Variants in ATP8B4 observed in about 807,000 individuals in gnomAD.
ATP8B4 encodes the protein ATPase phospholipid transporting 8B4 (putative), also known as probable phospholipid-transporting ATPase IM.
In ATP8B4, 133 loss-of-function variants were observed where a neutral mutation model predicts 145.6. That is an observed-to-expected ratio of 0.91 (90% CI 0.79 to 1.05). ATP8B4 has a LOEUF of 1.05. Ranked by LOEUF, ATP8B4 falls within the 50% of genes least tolerant of loss-of-function variation. The pLI, the probability that ATP8B4 is intolerant of heterozygous loss-of-function variation, is 0.00. For missense variants in ATP8B4, 1,458 were observed against 1,425.2 expected, an observed-to-expected ratio of 1.02 and a Z score of -0.37; for synonymous variants, 507 against 492.9, an observed-to-expected ratio of 1.03 and a Z score of -0.38.
chr15:49,951,492 C>T (rs545409180), intron 14 of ATP8B4, among the ~76,000 whole-genome samples: 72 of 152,004 alleles, frequency 4.7e-4, no homozygotes, highest in South Asian at 1.7e-3. Context: ...GTTTAAAGTC[C>T]GATTTGTCAG....
chr15:49,979,591 CA>C (rs1437217944), intron 12 of ATP8B4, 25 bp downstream of exon 12: 1 of 1,394,060 alleles, frequency 7.2e-7, no homozygotes, highest in East Asian at 2.3e-5. Flanking sequence ...GAAATTATTT[CA>C]TTAAAATATA....
chr15:50,010,845 A>G lies in ATP8B4; in HGVS notation c.435T>C (p.Ala145=). The part of the protein sequence containing the change: ...IIKLENNQFV[A]ADLLLLSSSE... ...TATTCAAACAATATTGAATACTTAC[A>G]GCAACAAATTGGTTATTTTCTAATT... The change falls in exon 7 of 28, where the codon GCT becomes GCC. Residue 145 remains alanine (A), a splice_region_variant and synonymous_variant. Transcript: ENST00000284509. The G allele has an allele frequency of 3.3e-6, 5 of 1,536,934 alleles. No individual in the cohort carries two copies. Among genetic ancestry groups the G allele is most frequent in the African/African-American group, 1.4e-5 (1 of 70,900 alleles).
At chr15:50,159,009 C>T (rs909444698) in intron 1 of ATP8B4, among the ~76,000 whole-genome samples, 2 of 152,212 alleles carry the variant, frequency 1.3e-5, no homozygotes, top group Non-Finnish European at 2.9e-5. Flanking sequence ...CCAGAGACCT[C>T]TGTTCACTTG....
chr15:50,083,844 CTAA>C (rs1353522075), intron 2 of ATP8B4, among the ~76,000 whole-genome samples: 1 of 152,148 alleles, frequency 6.6e-6, no homozygotes, highest in African/African-American at 2.4e-5. Context: ...TTGAGCAAGG[CTAA>C]TAGAGCTGCT....
intron 1 of ATP8B4, among the ~76,000 whole-genome samples, chr15:50,164,846 T>G (rs559978414): frequency 6.6e-6 from 1 of 152,294 alleles, no homozygotes; most frequent in South Asian, 2.1e-4. Flanking sequence ...AGCAGCTGAA[T>G]TCTGTCAAAT....
intron 2 of ATP8B4, among the ~76,000 whole-genome samples, chr15:50,092,362 A>C (rs1435087357): frequency 6.6e-6 from 1 of 152,126 alleles, no homozygotes; most frequent in Admixed American, 6.6e-5. Flanking sequence ...ATAACAAATT[A>C]GTGGTTATGG....
chr15:50,114,110 T>TTTTTTTTTTTTTTTTTTTC (rs2057084977), intron 1 of ATP8B4, among the ~76,000 whole-genome samples: 1 of 138,480 alleles, frequency 7.2e-6, no homozygotes, highest in Non-Finnish European at 1.6e-5. Flanking sequence ...TTTCTTTTTT[T>TTTTTTTTTTTTTTTTTTTC]TTTTTTTTTT....
At chr15:49,917,206 A>G (rs1387412778) in intron 19 of ATP8B4, 167 bp from the exon 20 acceptor site, 1 of 566,600 alleles carries the variant, frequency 1.8e-6, no homozygotes, top group Non-Finnish European at 3.0e-6. Context: ...AGGGAAATTC[A>G]AAGACCTGGG....
In ATP8B4 at chr15:50,106,984, C is replaced by T. The variant is rs1480192861; in HGVS notation, c.-18G>A. 4.4e-6 allele frequency: 7 copies of T among 1,580,704 alleles called. No individual in the cohort carries two copies. The highest frequency in any genetic ancestry group is 2.6e-6 in the Non-Finnish European group (3 of 1,166,052). Reference sequence around the variant, plus strand: ...CAGAACATTATTATACCTGATCTTTCACCAGGTCTCAACAGGTGGCCTACC... The same window carrying T: ...CAGAACATTATTATACCTGATCTTTTACCAGGTCTCAACAGGTGGCCTACC... On this transcript the variant is annotated 5_prime_UTR_variant, in exon 2 of 28. Coordinates refer to ENST00000284509, the MANE Select transcript of ATP8B4 (RefSeq NM_024837.4).
intron 8 of ATP8B4, among the ~76,000 whole-genome samples, chr15:49,999,950 T>C (rs1306556823): frequency 6.6e-6 from 1 of 152,160 alleles, no homozygotes; most frequent in African/African-American, 2.4e-5. Context: ...AATTATACTG[T>C]ATGTGACCTT....
intron 23 of ATP8B4, among the ~76,000 whole-genome samples, chr15:49,890,719 T>G (rs1018455518): frequency 6.6e-6 from 1 of 152,194 alleles, no homozygotes; most frequent in South Asian, 2.1e-4. Context: ...AGCCAAAACA[T>G]TTTTCAGTTA....
chr15:50,030,416 T>A (rs999577372), intron 6 of ATP8B4, among the ~76,000 whole-genome samples: 3 of 151,994 alleles, frequency 2.0e-5, no homozygotes, highest in East Asian at 1.9e-4. Flanking sequence ...TGAGGGAGAA[T>A]CAAACTACTT....
chr15:49,984,015 T>A (rs998118158), intron 10 of ATP8B4, among the ~76,000 whole-genome samples: 1 of 152,250 alleles, frequency 6.6e-6, no homozygotes, highest in Non-Finnish European at 1.5e-5. Flanking sequence ...AGTAGCATAA[T>A]GCCCAGCATA....
intron 1 of ATP8B4, among the ~76,000 whole-genome samples, chr15:50,130,524 C>T (rs1489904332): frequency 3.3e-5 from 5 of 151,990 alleles, no homozygotes; most frequent in Non-Finnish European, 7.4e-5. Context: ...TGCCTGTAAT[C>T]CCGGCAGTTT....
At chr15:49,870,312 C>T (rs1163521746) in intron 25 of ATP8B4, among the ~76,000 whole-genome samples, 4 of 151,774 alleles carry the variant, frequency 2.6e-5, no homozygotes, top group African/African-American at 9.7e-5. Context: ...TCTCAAAGTA[C>T]AGAAAATGTA....
In ATP8B4 at chr15:50,107,024, A is replaced by G; in HGVS notation, c.-42-16T>C. On this transcript the variant is annotated splice_polypyrimidine_tract_variant and intron_variant, in intron 1 of 27. Transcript: ENST00000284509. ...GGTGGCCTACCTAAGAAAAAGAAGT[A>G]TGCATATTAGTATCTGAAAAATGCA... 1 of 1,491,292 alleles carries G rather than the reference A, an allele frequency of 6.7e-7. No homozygotes were observed. Among genetic ancestry groups the G allele is most frequent in the South Asian group, 1.4e-5 (1 of 73,862 alleles). The allele number at this position is 1,491,292 out of a possible 1,614,324, so 92.4% of individuals were successfully genotyped here.
intron 3 of ATP8B4, among the ~76,000 whole-genome samples, chr15:50,069,080 T>C (rs1191582068): frequency 6.6e-6 from 1 of 152,198 alleles, no homozygotes; most frequent in Non-Finnish European, 1.5e-5. Flanking sequence ...TTCATTCCTA[T>C]TATTAACCAA....
chr15:50,042,145 ACT>A (rs2051337690), intron 5 of ATP8B4, among the ~76,000 whole-genome samples: 1 of 144,340 alleles, frequency 6.9e-6, no homozygotes, highest in Non-Finnish European at 1.5e-5. Context: ...ACAGAGTGAG[ACT>A]CTGTCTTAAA....
chr15:50,165,359 C>T (rs2044580476), intron 1 of ATP8B4, among the ~76,000 whole-genome samples: 1 of 152,164 alleles, frequency 6.6e-6, no homozygotes, highest in African/African-American at 2.4e-5. Flanking sequence ...AGCCCCTCTT[C>T]CGTTAATATG....
Sources: allele counts gnomAD v4.1 joint callset (sites outside exome capture counted in the v4.1 genomes callset), GRCh38; gene constraint gnomAD v4.1.1; transcripts MANE v1.5; gene names NCBI Gene and HGNC (gene_info 2026-07-23, HGNC 2026-07-21).